The following BANK1 variants were observed in gnomAD, a reference collection of about 807,000 sequenced individuals.
BANK1 encodes the protein B cell scaffold protein with ankyrin repeats 1, also known as B-cell scaffold protein with ankyrin repeats.
Under a neutral mutation model 94.5 loss-of-function variants are expected in BANK1, and 95 were observed. The ratio of observed to expected loss-of-function variants is 1.00; its 90% CI spans 0.85 to 1.19. The LOEUF is 1.19. Among genes scored for constraint, BANK1 ranks in the 50% most tolerant of loss-of-function variants. The pLI, the probability that BANK1 is intolerant of heterozygous loss-of-function variation, is 0.00. For synonymous variants in BANK1, 334 were observed against 308.4 expected (o/e 1.08, Z -0.87); for missense variants, 987 against 932.2 (o/e 1.06, Z -0.77).
intron 5 of BANK1, among the ~76,000 whole-genome samples, chr4:101,870,954 A>G (rs1057397391): frequency 6.6e-6 from 1 of 152,098 alleles, no homozygotes; most frequent in African/African-American, 2.4e-5. Context: ...CTCCTAAGAA[A>G]TGAATTCCTT....
At chr4:101,804,813 T>A (rs535218520) in intron 1 of BANK1, among the ~76,000 whole-genome samples, 42 of 152,344 alleles carry the variant, frequency 2.8e-4, no homozygotes, top group African/African-American at 9.6e-4. Flanking sequence ...ATGTTATTGG[T>A]AAAGCTTCTA....
At chr4:102,007,170 A>ATATATATATATATAT (rs1560682419) in intron 7 of BANK1, among the ~76,000 whole-genome samples, 16 of 113,154 alleles carry the variant, frequency 1.4e-4, no homozygotes, top group Non-Finnish European at 2.4e-4. Flanking sequence ...ATATATATAT[A>ATATATATATATATAT]AAATCCCTAA....
rs1382360186 is a variant in BANK1, at chr4:102,030,212, C to T, written c.1847C>T (p.Pro616Leu). The T allele has an allele frequency of 6.2e-7, 1 of 1,612,518 alleles. No individual in the cohort carries two copies. Among genetic ancestry groups the T allele is most frequent in the Non-Finnish European group, 8.5e-7 (1 of 1,179,626 alleles). ...FIINRPPAPT[P>L]RPTSIPPKEE... ...ATAAATAGACCTCCTGCCCCCACAC[C>T]CCGACCCACAAGTATACCTCCAAAA... Residue 616 changes from proline (P) to leucine (L), a missense_variant, in exon 10 of 17, where the codon CCC becomes CTC. Coordinates refer to ENST00000322953, the MANE Select transcript of BANK1 (RefSeq NM_017935.5).
At chr4:101,848,189 G>T (rs1727330877) in intron 2 of BANK1, among the ~76,000 whole-genome samples, 1 of 152,148 alleles carries the variant, frequency 6.6e-6, no homozygotes, top group Admixed American at 6.5e-5. Context: ...TCCGCAGTTG[G>T]GGCACTCATA....
intron 6 of BANK1, among the ~76,000 whole-genome samples, chr4:101,915,607 A>G (rs1722801697): frequency 6.6e-6 from 1 of 152,118 alleles, no homozygotes; most frequent in African/African-American, 2.4e-5. Context: ...TATTTTAGTA[A>G]CAAGAATTCA....
In BANK1 at chr4:101,855,178, A is replaced by G. The variant is rs749490905; in HGVS notation, c.613A>G (p.Ile205Val). Reference protein sequence around the residue: ...IPLAVVLPTEIPCENPGEIFI... With the variant: ...IPLAVVLPTEVPCENPGEIFI... ...ACTAGCAGTGGTGCTTCCCACTGAAATTCCATGTGAGGTCAGTAAAGATAC... is the reference window on the plus strand; with the variant it reads ...ACTAGCAGTGGTGCTTCCCACTGAAGTTCCATGTGAGGTCAGTAAAGATAC... The change falls in exon 3 of 17, where the codon ATT becomes GTT. Residue 205 changes from isoleucine (I) to valine (V), a missense_variant. Physicochemically the swap from Ile to Val is conservative, Grantham distance 29. Coordinates refer to ENST00000322953, the MANE Select transcript of BANK1 (RefSeq NM_017935.5). The G allele has an allele frequency of 1.5e-5, 24 of 1,612,956 alleles. No homozygotes were observed. The highest frequency in any genetic ancestry group is 1.9e-5 in the Non-Finnish European group (22 of 1,179,374).
At position 102,072,265 on chromosome 4, in the gene BANK1, C is replaced by A. The variant is rs576482522; in HGVS notation, c.2243-80C>A. On this transcript the variant is annotated intron_variant, in intron 14 of 16. Transcript: ENST00000322953. ...ACCCATATCTTACCTTTGTAGAAAT[C>A]ATTTTTAAGAAGTACTGAATAAATA... 4 of 1,189,442 alleles carry A rather than the reference C, an allele frequency of 3.4e-6. No homozygotes were observed. In the South Asian group the frequency reaches 4.0e-5, roughly 12 times the overall value. The allele number at this position is 1,189,442 out of a possible 1,614,324, so 73.7% of individuals were successfully genotyped here. A position where few individuals can be genotyped will look rare whatever the true frequency, so the allele number is the denominator to read the frequency against.
chr4:102,060,070 T>A (rs1211243608), intron 11 of BANK1, 141 bp from the exon 12 acceptor site: 30 of 718,984 alleles, frequency 4.2e-5, no homozygotes, highest in Non-Finnish European at 5.6e-5. Context: ...AAGAAACTCA[T>A]TAAAAGTGTG....
chr4:101,840,953 A>G (rs1286575134), intron 2 of BANK1, among the ~76,000 whole-genome samples: 2 of 152,240 alleles, frequency 1.3e-5, no homozygotes, highest in Middle Eastern at 3.4e-3. Flanking sequence ...CAGCCTCCCA[A>G]GTAGCTAGGA....
intron 10 of BANK1, among the ~76,000 whole-genome samples, chr4:102,031,948 T>C (rs1470401204): frequency 6.8e-6 from 1 of 146,044 alleles, no homozygotes; most frequent in African/African-American, 2.5e-5. Context: ...CTATAACAAA[T>C]TAGGAAACTA....
In BANK1 at chr4:102,063,973, G is replaced by T. The variant is rs554407540; in HGVS notation, c.2212+835G>T. Among the ~76,000 whole-genome samples the T allele has an allele frequency of 1.3e-3, 200 of 152,020 alleles. 1 individual carries two copies. The highest frequency in any genetic ancestry group is 4.8e-3 in the African/African-American group (198 of 41,478). On this transcript the variant is annotated intron_variant, in intron 13 of 16. Coordinates refer to ENST00000322953, the MANE Select transcript of BANK1 (RefSeq NM_017935.5). ...GCTTTGGCAGTGGAGGTTAGGGGAG[G>T]GGATACTAAGCCAATCAAACATTAT...
At position 101,986,929 on chromosome 4, in the gene BANK1, A is replaced by G. The variant is rs1480135077; in HGVS notation, c.1207-34585A>G. On this transcript the variant is annotated intron_variant, in intron 7 of 16. Transcript: ENST00000322953. ...TATATATATATATATATATATATATATAGTAGGCTTGCCAGTAAATATATT... is the reference window on the plus strand; with the variant it reads ...TATATATATATATATATATATATATGTAGTAGGCTTGCCAGTAAATATATT... 3.0e-3 allele frequency among the ~76,000 whole-genome samples: 400 copies of G among 134,800 alleles called. 15 individuals are homozygous for G. The highest frequency in any genetic ancestry group is 0.011 in the African/African-American group (395 of 35,010). The allele number at this position is 134,800 out of a possible 152,430, so 88.4% of individuals were successfully genotyped here.
At chr4:101,968,704 G>A (rs1232301388) in intron 7 of BANK1, among the ~76,000 whole-genome samples, 2 of 151,984 alleles carry the variant, frequency 1.3e-5, no homozygotes, top group Non-Finnish European at 2.9e-5. Flanking sequence ...AACTGCAGGG[G>A]ACTACAGAGA....
At chr4:101,862,034 T>C (rs1727896662) in intron 3 of BANK1, among the ~76,000 whole-genome samples, 1 of 152,108 alleles carries the variant, frequency 6.6e-6, no homozygotes, top group African/African-American at 2.4e-5. Flanking sequence ...TATAAAACTA[T>C]TGGACTTCTT....
At chr4:102,064,910 A>C (rs1162665178) in intron 13 of BANK1, among the ~76,000 whole-genome samples, 1 of 152,204 alleles carries the variant, frequency 6.6e-6, no homozygotes, top group Non-Finnish European at 1.5e-5. Flanking sequence ...AAGCTGCTAG[A>C]ATATGTGTGG....
chr4:102,037,054 A>G (rs1330359980), intron 10 of BANK1, among the ~76,000 whole-genome samples: 1 of 152,248 alleles, frequency 6.6e-6, no homozygotes, highest in Non-Finnish European at 1.5e-5. Context: ...TTTTCCACTT[A>G]ACATATGATG....
At chr4:101,962,653 A>G (rs1246513584) in intron 7 of BANK1, among the ~76,000 whole-genome samples, 1 of 152,114 alleles carries the variant, frequency 6.6e-6, no homozygotes, top group African/African-American at 2.4e-5. Context: ...TTACTTTTGA[A>G]CTGTCTTTGA....
At chr4:101,803,885 C>T (rs1443631191) in intron 1 of BANK1, among the ~76,000 whole-genome samples, 1 of 146,794 alleles carries the variant, frequency 6.8e-6, no homozygotes, top group Non-Finnish European at 1.5e-5. Flanking sequence ...GTAGTCCCAG[C>T]TACTTGGGAG....
chr4:102,020,743 G>A (rs999559436), intron 7 of BANK1, among the ~76,000 whole-genome samples: 3 of 152,096 alleles, frequency 2.0e-5, no homozygotes, highest in Non-Finnish European at 4.4e-5. Context: ...GAACAGAAAC[G>A]TAAGTCATTT....
Sources: gnomAD v4.1 joint callset for allele counts (sites outside exome capture counted in the v4.1 genomes callset) on GRCh38, gnomAD v4.1.1 for gene constraint, MANE v1.5 for transcripts, NCBI Gene and HGNC (gene_info 2026-07-23, HGNC 2026-07-21) for gene names.